The following EBF1 variants were observed in gnomAD, a reference collection of about 807,000 sequenced individuals.
EBF1 encodes EBF transcription factor 1.
EBF1 carries 10 observed loss-of-function variants against 68.4 expected under a neutral mutation model. The observed-to-expected ratio is 0.15, with a 90% CI of 0.09 to 0.25. EBF1 has a LOEUF of 0.25. Ranked by LOEUF, EBF1 falls within the 10% of genes least tolerant of loss-of-function variation. The pLI is 1.00. For synonymous variants in EBF1, 298 were observed against 299.8 expected (o/e 0.99, Z 0.06); for missense variants, 509 against 794.4 (o/e 0.64, Z 4.32).
intron 6 of EBF1, among the ~76,000 whole-genome samples, chr5:158,964,823 T>C (rs1017838563): frequency 6.6e-6 from 1 of 152,216 alleles, no homozygotes; most frequent in African/African-American, 2.4e-5. Context: ...TTCCATTTTT[T>C]ACTTGACACA....
chr5:158,831,697 T>TCG (rs757738728), intron 7 of EBF1, among the ~76,000 whole-genome samples: 1 of 152,216 alleles, frequency 6.6e-6, no homozygotes, highest in Non-Finnish European at 1.5e-5. Context: ...AAATGGGGTT[T>TCG]CGCCATGTTG....
intron 6 of EBF1, among the ~76,000 whole-genome samples, chr5:158,883,376 G>C (rs1562210829): frequency 6.7e-6 from 1 of 148,572 alleles, no homozygotes; most frequent in African/African-American, 2.5e-5. Flanking sequence ...ATACATACAT[G>C]TATATATATA....
intron 6 of EBF1, among the ~76,000 whole-genome samples, chr5:158,855,124 C>G (rs1396701533): frequency 6.6e-6 from 1 of 152,172 alleles, no homozygotes; most frequent in African/African-American, 2.4e-5. Context: ...AGTAAAACCA[C>G]GTGATAAGAG....
chr5:158,958,659 A>T (rs576439757), intron 6 of EBF1, among the ~76,000 whole-genome samples: 8 of 152,126 alleles, frequency 5.3e-5, no homozygotes, highest in Non-Finnish European at 1.0e-4. Context: ...TAATATACAC[A>T]TCCCACTGGT....
chr5:159,095,938 G>A (rs1391949345), intron 3 of EBF1, among the ~76,000 whole-genome samples: 1 of 152,214 alleles, frequency 6.6e-6, no homozygotes, highest in Non-Finnish European at 1.5e-5. Flanking sequence ...ACTGGGATGG[G>A]GGTACCCCGA....
intron 6 of EBF1, among the ~76,000 whole-genome samples, chr5:159,053,867 G>C (rs1230952483): frequency 6.6e-6 from 1 of 152,124 alleles, no homozygotes; most frequent in Non-Finnish European, 1.5e-5. Context: ...TTGCTCCTAA[G>C]GGCCCTTTAA....
chr5:159,084,389 G>A (rs1780268509), intron 5 of EBF1, among the ~76,000 whole-genome samples: 1 of 152,096 alleles, frequency 6.6e-6, no homozygotes, highest in African/African-American at 2.4e-5. Flanking sequence ...GATTTTAAGA[G>A]AGTAGGGGAA....
At chr5:158,783,247 C>A (rs1274898594) in intron 9 of EBF1, among the ~76,000 whole-genome samples, 2 of 151,958 alleles carry the variant, frequency 1.3e-5, no homozygotes, top group Non-Finnish European at 2.9e-5. Flanking sequence ...ACATATAAAG[C>A]CATTATTTTT....
chr5:158,708,258 C>T, intron 14 of EBF1, 85 bp from the exon 15 acceptor site: 1 of 1,379,704 alleles, frequency 7.2e-7, no homozygotes, highest in Non-Finnish European at 9.9e-7. Context: ...CTCACCCAGC[C>T]ACCTTGCTCT....
intron 9 of EBF1, among the ~76,000 whole-genome samples, chr5:158,790,054 C>A (rs547212234): frequency 7.7e-4 from 117 of 152,324 alleles, no homozygotes; most frequent in African/African-American, 2.7e-3. Flanking sequence ...CCAGAGGTTT[C>A]TTTTGACTTC....
In EBF1 at chr5:158,803,101, A is replaced by C. The variant is rs577074482; in HGVS notation, c.779-6626T>G. 9.2e-5 allele frequency among the ~76,000 whole-genome samples: 14 copies of C among 152,250 alleles called. No individual in the cohort carries two copies. The South Asian group carries it at 2.3e-3, about 25-fold the overall frequency. On this transcript the variant is annotated intron_variant, in intron 8 of 15. Coordinates refer to ENST00000313708, the MANE Select transcript of EBF1 (RefSeq NM_024007.5). ...AATGGGAAACTTTTCAGAAATGAGG[A>C]ATCGACTTTAATGTTATTGTCCCAA...
intron 10 of EBF1, among the ~76,000 whole-genome samples, chr5:158,771,659 G>A (rs928974863): frequency 6.6e-6 from 1 of 152,090 alleles, no homozygotes; most frequent in Non-Finnish European, 1.5e-5. Flanking sequence ...CAGAACAAGA[G>A]AACTAAGGAC....
chr5:158,992,995 C>T (rs1760686538), intron 6 of EBF1, among the ~76,000 whole-genome samples: 1 of 131,078 alleles, frequency 7.6e-6, no homozygotes, highest in Non-Finnish European at 1.5e-5. Flanking sequence ...ATGGAGCAAT[C>T]TCGGCTCACT....
intron 1 of EBF1, 116 bp downstream of exon 1, chr5:159,099,229 C>G (rs1278071148): frequency 1.3e-6 from 1 of 790,822 alleles, no homozygotes; most frequent in Non-Finnish European, 1.7e-6. Context: ...GCAGCGGCTG[C>G]GGACTCACCC....
At chr5:158,712,106 T>C (rs1327129859) in intron 14 of EBF1, 48 bp downstream of exon 14, 1 of 1,601,598 alleles carries the variant, frequency 6.2e-7, no homozygotes, top group East Asian at 2.2e-5. Context: ...TGATGCCAAG[T>C]TCTTCTAGCG....
intron 8 of EBF1, among the ~76,000 whole-genome samples, chr5:158,804,836 G>C (rs1781274088): frequency 6.6e-6 from 1 of 152,048 alleles, no homozygotes. Context: ...AGTTCTTTGG[G>C]TTTCTTTCCC....
intron 6 of EBF1, among the ~76,000 whole-genome samples, chr5:159,041,444 C>A (rs563455876): frequency 1.3e-5 from 2 of 152,230 alleles, no homozygotes; most frequent in South Asian, 2.1e-4. Flanking sequence ...ACTAAAACAG[C>A]CTGTCGCGTA....
In EBF1 at chr5:158,823,343, G is replaced by T. The variant is rs369884936; in HGVS notation, c.637-26C>A. The T allele has an allele frequency of 3.2e-6, 5 of 1,587,130 alleles. No homozygotes were observed. In the African/African-American group the frequency reaches 5.4e-5, roughly 17 times the overall value. Reference sequence around the variant, plus strand: ...CTGGAGACATAAGAAAGAAATGAATGAACATTTTAATATAAAAGCGTGGTG... The same window carrying T: ...CTGGAGACATAAGAAAGAAATGAATTAACATTTTAATATAAAAGCGTGGTG... On this transcript the variant is annotated intron_variant, in intron 7 of 15. Coordinates refer to ENST00000313708, the MANE Select transcript of EBF1 (RefSeq NM_024007.5).
intron 10 of EBF1, among the ~76,000 whole-genome samples, chr5:158,766,742 A>G (rs148356472): frequency 3.0e-4 from 45 of 152,302 alleles, no homozygotes; most frequent in African/African-American, 1.0e-3. Context: ...ACCCACCAAA[A>G]TGCATTCAGG....
Sources: gnomAD v4.1 joint callset for allele counts (sites outside exome capture counted in the v4.1 genomes callset) on GRCh38, gnomAD v4.1.1 for gene constraint, MANE v1.5 for transcripts, NCBI Gene and HGNC (gene_info 2026-07-23, HGNC 2026-07-21) for gene names.